IL23R: variants seen among roughly 807,000 people sequenced by gnomAD.
IL23R encodes the protein interleukin 23 receptor.
In IL23R, 34 loss-of-function variants were observed where a neutral mutation model predicts 56.9. That is an observed-to-expected ratio of 0.60 (90% CI 0.45 to 0.80). The LOEUF is 0.80. IL23R is among the 30% of genes least tolerant of loss of function. The probability of loss-of-function intolerance (pLI) is 0.00; values close to 1 mark genes in which losing one functional copy is unlikely to be tolerated. For synonymous variants in IL23R, 230 were observed against 249.2 expected (o/e 0.92, Z 0.73); for missense variants, 635 against 730.0 (o/e 0.87, Z 1.50).
intron 7 of IL23R, among the ~76,000 whole-genome samples, chr1:67,220,596 G>A (rs544669828): frequency 3.3e-5 from 5 of 151,604 alleles, no homozygotes; most frequent in East Asian, 2.0e-4. Flanking sequence ...GGCTGGGTAC[G>A]CTGGTTTACA....
At chr1:67,216,405 T>C (rs920998385) in intron 6 of IL23R, among the ~76,000 whole-genome samples, 1 of 152,206 alleles carries the variant, frequency 6.6e-6, no homozygotes, top group Non-Finnish European at 1.5e-5. Context: ...CTCAGCTATG[T>C]GTTCAAGTAA....
At chr1:67,169,659 G>A in intron 3 of IL23R, 21 bp downstream of exon 3, 4 of 1,608,556 alleles carry the variant, frequency 2.5e-6, no homozygotes, top group Non-Finnish European at 3.4e-6. Flanking sequence ...GGGCACATTT[G>A]AAATGCAAAC....
At chr1:67,257,794 C>G (rs1653031943) in intron 10 of IL23R, among the ~76,000 whole-genome samples, 1 of 152,198 alleles carries the variant, frequency 6.6e-6, no homozygotes, top group Non-Finnish European at 1.5e-5. Context: ...ACCTCCGCCT[C>G]CCGGGCTCAA....
intron 3 of IL23R, among the ~76,000 whole-genome samples, chr1:67,175,246 G>A (rs1244419817): frequency 6.6e-6 from 1 of 152,120 alleles, no homozygotes; most frequent in African/African-American, 2.4e-5. Flanking sequence ...GCAGGAATGG[G>A]GGTGGGATGA....
chr1:67,242,279 A>G (rs1651902384), intron 9 of IL23R, among the ~76,000 whole-genome samples: 1 of 152,192 alleles, frequency 6.6e-6, no homozygotes, highest in Admixed American at 6.5e-5. Flanking sequence ...AAAATTTCTC[A>G]CCTGCATTGG....
At chr1:67,218,827 G>T (rs933476220) in intron 6 of IL23R, among the ~76,000 whole-genome samples, 7 of 151,544 alleles carry the variant, frequency 4.6e-5, no homozygotes, top group Admixed American at 3.3e-4. Flanking sequence ...GCTGAGGCAG[G>T]AGGATCACTT....
intron 9 of IL23R, among the ~76,000 whole-genome samples, chr1:67,253,236 C>G (rs1375427677): frequency 6.6e-6 from 1 of 152,138 alleles, no homozygotes; most frequent in Admixed American, 6.5e-5. Context: ...TCTTGGCCCC[C>G]TTCAGTTTTT....
intron 3 of IL23R, among the ~76,000 whole-genome samples, chr1:67,179,415 A>G (rs1647057876): frequency 6.6e-6 from 1 of 152,106 alleles, no homozygotes; most frequent in Non-Finnish European, 1.5e-5. Flanking sequence ...CAAGGTGTTT[A>G]TAGTATTCTC....
intron 4 of IL23R, among the ~76,000 whole-genome samples, chr1:67,192,457 A>G (rs570243099): frequency 2.0e-5 from 3 of 152,216 alleles, no homozygotes; most frequent in South Asian, 4.2e-4. Flanking sequence ...ACCTTTTATT[A>G]TCTCTATTTA....
At chr1:67,148,443 T>C (rs187382512) in intron 1 of IL23R, among the ~76,000 whole-genome samples, 4 of 152,368 alleles carry the variant, frequency 2.6e-5, no homozygotes, top group African/African-American at 4.8e-5. Flanking sequence ...GATAGATGAT[T>C]TGACTATTTC....
intron 7 of IL23R, among the ~76,000 whole-genome samples, chr1:67,235,469 C>A (rs538621029): frequency 6.6e-6 from 1 of 151,686 alleles, no homozygotes; most frequent in South Asian, 2.1e-4. Context: ...TCTAGACTCA[C>A]TGCAGCCTCC....
chr1:67,197,024 TAGC>T (rs1202929472), intron 4 of IL23R, among the ~76,000 whole-genome samples: 5 of 152,086 alleles, frequency 3.3e-5, no homozygotes, highest in Non-Finnish European at 7.4e-5. Context: ...ACATGTGAAA[TAGC>T]AGGTGAAGCT....
chr1:67,246,550 T>C (rs1200561543), intron 9 of IL23R, among the ~76,000 whole-genome samples: 1 of 152,212 alleles, frequency 6.6e-6, no homozygotes, highest in Non-Finnish European at 1.5e-5. Context: ...TCTTTATTTC[T>C]GCCTTCATTT....
At chr1:67,157,149 A>G (rs1646776392) in intron 1 of IL23R, among the ~76,000 whole-genome samples, 1 of 152,146 alleles carries the variant, frequency 6.6e-6, no homozygotes, top group South Asian at 2.1e-4. Flanking sequence ...AGTCCCAATG[A>G]GATGAACTGG....
chr1:67,153,727 G>T (rs1040186687), intron 1 of IL23R, among the ~76,000 whole-genome samples: 4 of 151,902 alleles, frequency 2.6e-5, no homozygotes, highest in Non-Finnish European at 5.9e-5. Flanking sequence ...TCAGGAGCAG[G>T]TTGTTCAGTT....
intron 1 of IL23R, among the ~76,000 whole-genome samples, chr1:67,154,667 T>C (rs1201566381): frequency 1.3e-5 from 2 of 152,250 alleles, no homozygotes; most frequent in African/African-American, 4.8e-5. Context: ...ATCCCTTTAT[T>C]TTGAGCCAAT....
chr1:67,217,769 A>G (rs1649941770), intron 6 of IL23R, among the ~76,000 whole-genome samples: 1 of 151,602 alleles, frequency 6.6e-6, no homozygotes, highest in Non-Finnish European at 1.5e-5. Context: ...AAACTATTCT[A>G]GGGCAGATGA....
At chr1:67,259,990 A>AC (rs397935996), downstream of IL23R, 4 of 150,672 alleles carry the variant, frequency 2.7e-5, no homozygotes, top group Non-Finnish European at 5.9e-5. Flanking sequence ...AAAAAAAAAA[A>AC]GAATAACTAA....
downstream of IL23R, among the ~76,000 whole-genome samples, chr1:67,263,982 TCTC>T (rs1211611310): frequency 6.6e-6 from 1 of 152,130 alleles, no homozygotes; most frequent in African/African-American, 2.4e-5. Context: ...CCCTCTCTCT[TCTC>T]CGCCCTTGCC....
Sources: allele counts gnomAD v4.1 joint callset (sites outside exome capture counted in the v4.1 genomes callset), GRCh38; gene constraint gnomAD v4.1.1; transcripts MANE v1.5; gene names NCBI Gene and HGNC (gene_info 2026-07-23, HGNC 2026-07-21).